The following SPTBN5 variants were observed in gnomAD, a reference collection of about 807,000 sequenced individuals.
SPTBN5 encodes spectrin beta, non-erythrocytic 5.
A neutral mutation model predicts 477.6 loss-of-function variants in SPTBN5; 513 were observed. That is an observed-to-expected ratio of 1.07 (90% confidence interval 1.00 to 1.16). The LOEUF is 1.16. Ranked by LOEUF, SPTBN5 falls within the 50% of genes most tolerant of loss-of-function variation. The pLI, the probability that SPTBN5 is intolerant of heterozygous loss-of-function variation, is 0.00. For synonymous variants in SPTBN5, 2,169 were observed against 2,011.7 expected, an observed-to-expected ratio of 1.08 and a Z score of -2.09; for missense variants, 5,062 against 4,731.8, an observed-to-expected ratio of 1.07 and a Z score of -2.05.
chr15:41,871,231 G>T, intron 29 of SPTBN5, 144 bp downstream of exon 29: 1 of 993,880 alleles, frequency 1.0e-6, no homozygotes. Context: ...CAGCTTCTCT[G>T]GAGCTAGGCC....
At position 41,879,670 on chromosome 15, in the gene SPTBN5, G is replaced by C. The variant is rs1345446988; in HGVS notation, c.2942+64C>G. The C allele has an allele frequency of 8.8e-6, 14 of 1,589,796 alleles. No homozygotes were observed. The Admixed American group carries it at 2.2e-4, about 25-fold the overall frequency. On this transcript the variant is annotated intron_variant, in intron 15 of 67. Coordinates refer to ENST00000320955, the MANE Select transcript of SPTBN5 (RefSeq NM_016642.4). ...ATCTGGCATGGCGGGAGGCAGGTGAGTCAGGCCCAGGCTGGGCACTGTGTC... is the reference window on the plus strand; with the variant it reads ...ATCTGGCATGGCGGGAGGCAGGTGACTCAGGCCCAGGCTGGGCACTGTGTC...
At chr15:41,878,293 A>T (rs755877505) in intron 17 of SPTBN5, 49 bp downstream of exon 17, 3 of 1,583,158 alleles carry the variant, frequency 1.9e-6, no homozygotes, top group Non-Finnish European at 2.6e-6. Context: ...CAGAGCCCAG[A>T]GCCCTGGTCC....
intron 36 of SPTBN5, 91 bp downstream of exon 36, chr15:41,866,868 T>C (rs1241880900): frequency 7.0e-7 from 1 of 1,436,782 alleles, no homozygotes. Flanking sequence ...CCCGAACCTG[T>C]TTCCGCCTCA....
Position 41,880,265 on chromosome 15 carries a change from G to A in SPTBN5, c.2706C>T (p.Cys902=). ...ACAACTGGAGCTCCCCACAGGAACT[G>A]CAGAAACCGAACAGGGCCATGGCCT... The part of the protein sequence containing the change: ...LEEAMALFGF[C]SSCGELQLWL... The change falls in exon 14 of 68, where the codon TGC becomes TGT. Residue 902 remains cysteine, a synonymous_variant. Coordinates refer to ENST00000320955, the MANE Select transcript of SPTBN5 (RefSeq NM_016642.4). 6.2e-7 allele frequency: 1 copy of A among 1,607,664 alleles called. No individual in the cohort carries two copies. Among genetic ancestry groups the A allele is most frequent in the Non-Finnish European group, 8.5e-7 (1 of 1,177,646 alleles).
Position 41,862,678 on chromosome 15 carries a change from G to T in SPTBN5, c.7264-18C>A, listed in dbSNP as rs757381152. 3.2e-6 allele frequency: 5 copies of T among 1,545,614 alleles called. No homozygotes were observed. Among genetic ancestry groups the T allele is most frequent in the Non-Finnish European group, 4.4e-6 (5 of 1,149,206 alleles). ...TCTAGGGACTGCGGGGGAAGCCGGG[G>T]TCAGAGGCTGGGGCAGGGGAGCTCT... is the stretch of plus-strand genomic sequence containing the variant. On this transcript the variant is annotated intron_variant, in intron 42 of 67. Coordinates refer to ENST00000320955, the MANE Select transcript of SPTBN5 (RefSeq NM_016642.4).
At chr15:41,872,238 G>A in intron 27 of SPTBN5, 64 bp downstream of exon 27, 2 of 1,548,254 alleles carry the variant, frequency 1.3e-6, no homozygotes, top group Non-Finnish European at 1.7e-6. Flanking sequence ...GCCATGGCAT[G>A]GGAACAGTCA....
At chr15:41,866,919 G>A in intron 36 of SPTBN5, 40 bp downstream of exon 36, 2 of 1,529,818 alleles carry the variant, frequency 1.3e-6, no homozygotes, top group Non-Finnish European at 1.8e-6. Context: ...TGTCGAGTGT[G>A]GTTCCAGTGG....
At position 41,850,909 on chromosome 15, in the gene SPTBN5, T is replaced by C; in HGVS notation, c.10866A>G (p.Ala3622=). 1 of 1,603,824 alleles carries C rather than the reference T, an allele frequency of 6.2e-7. No individual in the cohort carries two copies. Among genetic ancestry groups the C allele is most frequent in the Non-Finnish European group, 8.5e-7 (1 of 1,176,090 alleles). Reference sequence around the variant, plus strand: ...TCTCAGCCTGCTCTTCGGACGGTGCTGCAAACAGGATCTCTGCCCCACTGG... The same window carrying C: ...TCTCAGCCTGCTCTTCGGACGGTGCCGCAAACAGGATCTCTGCCCCACTGG... ...RLTSGAEILF[A]APSEEQAESW... Residue 3622 remains alanine, a synonymous_variant, in exon 66 of 68, where the codon GCA becomes GCG. Transcript: ENST00000320955.
intron 58 of SPTBN5, 50 bp downstream of exon 58, chr15:41,853,532 C>G: frequency 6.5e-7 from 1 of 1,542,120 alleles, no homozygotes. Flanking sequence ...GCCAGGATAC[C>G]CCCACCCCAC....
rs2066334626 is a variant in SPTBN5 at position 41,866,825 on chromosome 15, G to C, written c.6480+134C>G. The C allele has an allele frequency of 5.8e-6, 7 of 1,202,406 alleles. No individual in the cohort carries two copies. The Middle Eastern group carries it at 1.7e-3, about 295-fold the overall frequency. 74.5% of individuals were successfully genotyped at this position (1,202,406 alleles called of 1,614,324 possible). On this transcript the variant is annotated intron_variant, in intron 36 of 67. Coordinates refer to ENST00000320955, the MANE Select transcript of SPTBN5 (RefSeq NM_016642.4). Reference sequence around the variant, plus strand: ...AAGGGGCTTAGATCCCATGTTCTGGGCTCCAGCACAGCCTCTGGGAAAGCC... The same window carrying C: ...AAGGGGCTTAGATCCCATGTTCTGGCCTCCAGCACAGCCTCTGGGAAAGCC...
rs1210766239 is a variant in SPTBN5, at chr15:41,878,606, T to C, written c.3206A>G (p.Glu1069Gly). 6.2e-7 allele frequency: 1 copy of C among 1,611,906 alleles called. No individual in the cohort carries two copies. The highest frequency in any genetic ancestry group is 1.7e-5 in the Admixed American group (1 of 59,940). ...VVKVEEPGYA[E>G]SQPLQGQVET... is the part of the protein sequence containing the mutation. Reference sequence around the variant, plus strand: ...CACCTGTCCTTGCAGAGGCTGGCTCTCTGCGTAGCCTGGCTCCTCGACCCT... The same window carrying C: ...CACCTGTCCTTGCAGAGGCTGGCTCCCTGCGTAGCCTGGCTCCTCGACCCT... The change falls in exon 17 of 68, where the codon GAG becomes GGG. Residue 1069 changes from glutamate (E) to glycine (G), a missense_variant. Coordinates refer to ENST00000320955, the MANE Select transcript of SPTBN5 (RefSeq NM_016642.4).
chr15:41,870,306 C>G lies in SPTBN5; in HGVS notation c.5610G>C (p.Gly1870=). ...LPNNVARDLC[G]LEAQLRSHQG... is the part of the protein sequence containing the mutation. ...GGTGGCTTCTCAGCTGCGCCTCCAG[C>G]CCACACAGGTCCCGTGCCACATTGT... Residue 1870 remains glycine, a synonymous_variant, in exon 31 of 68, where the codon GGG becomes GGC. Transcript: ENST00000320955. The G allele has an allele frequency of 1.3e-6, 2 of 1,561,282 alleles. No individual in the cohort carries two copies. The highest frequency in any genetic ancestry group is 1.7e-6 in the Non-Finnish European group (2 of 1,152,958).
intron 15 of SPTBN5, 113 bp from the exon 16 acceptor site, chr15:41,879,612 C>G: frequency 6.4e-7 from 1 of 1,562,890 alleles, no homozygotes; most frequent in African/African-American, 1.3e-5. Flanking sequence ...TCCCTTGCCC[C>G]TTCCCTGTGC....
chr15:41,851,636 C>A, intron 63 of SPTBN5, 143 bp downstream of exon 63: 1 of 672,220 alleles, frequency 1.5e-6, no homozygotes, highest in Non-Finnish European at 2.6e-6. Context: ...TCCCAAGGAG[C>A]CAAACTGCCT....
chr15:41,866,689 G>C (rs8026006), intron 36 of SPTBN5, 196 bp from the exon 37 acceptor site: 3 of 761,334 alleles, frequency 3.9e-6, no homozygotes, highest in Middle Eastern at 3.9e-4. Context: ...GTGGGCTCTC[G>C]TTTTGGAGGT....
intron 26 of SPTBN5, 24 bp from the exon 27 acceptor site, chr15:41,872,483 C>T (rs778120959): frequency 5.2e-6 from 8 of 1,541,746 alleles, no homozygotes; most frequent in Non-Finnish European, 7.0e-6. Context: ...GGACCCATGC[C>T]AGGCTCAGCC....
intron 47 of SPTBN5, among the ~76,000 whole-genome samples, chr15:41,860,281 C>T (rs2066060032): frequency 6.6e-6 from 1 of 152,250 alleles, no homozygotes; most frequent in Non-Finnish European, 1.5e-5. Flanking sequence ...CCTCTGTGCC[C>T]TGCGACCTTC....
Position 41,862,646 on chromosome 15 carries a change from T to C in SPTBN5, c.7278A>G (p.Glu2426=). The change falls in exon 43 of 68, where the codon GAA becomes GAG. Residue 2426 remains glutamate, a synonymous_variant. Coordinates refer to ENST00000320955, the MANE Select transcript of SPTBN5 (RefSeq NM_016642.4). ...GGCTTCTTTGGCAGAGGCGGCCCAC[T>C]TCACGCTCTAGGGACTGCGGGGGAA... The part of the protein sequence containing the change: ...IQAQVESLER[E]VGRLCQRSPE... The C allele has an allele frequency of 1.3e-6, 2 of 1,554,258 alleles. No homozygotes were observed. Among genetic ancestry groups the C allele is most frequent in the Non-Finnish European group, 1.7e-6 (2 of 1,152,848 alleles).
Position 41,850,359 on chromosome 15 carries a change from C to T in SPTBN5, c.10922-400G>A, listed in dbSNP as rs531614966. 6.9e-5 allele frequency: 17 copies of T among 246,994 alleles called. No individual in the cohort carries two copies. The South Asian group carries it at 7.9e-4, about 11-fold the overall frequency. The allele number at this position is 246,994 out of a possible 1,614,324, so 15.3% of individuals were successfully genotyped here. A position where few individuals can be genotyped will look rare whatever the true frequency, so the allele number is the denominator to read the frequency against. On this transcript the variant is annotated intron_variant, in intron 66 of 67. Transcript: ENST00000320955. ...GTCCACACGGAGCCTCAGCAGAGCACGCTGACCACGGAAGAAAGTCCAAAG... is the reference window on the plus strand; with the variant it reads ...GTCCACACGGAGCCTCAGCAGAGCATGCTGACCACGGAAGAAAGTCCAAAG...
Sources: allele counts gnomAD v4.1 joint callset (sites outside exome capture counted in the v4.1 genomes callset), GRCh38; gene constraint gnomAD v4.1.1; transcripts MANE v1.5; gene names NCBI Gene and HGNC (gene_info 2026-07-23, HGNC 2026-07-21).